The following AKR1E2 variants were observed in gnomAD, a reference collection of about 807,000 sequenced individuals.
AKR1E2 encodes the protein 1,5-anhydro-D-fructose reductase.
In AKR1E2, 43 loss-of-function variants were observed where a neutral mutation model predicts 41.9. That is an observed-to-expected ratio of 1.03 (90% CI 0.80 to 1.32). AKR1E2 has a LOEUF of 1.32. AKR1E2 is among the 40% of genes most tolerant of loss of function. The probability of loss-of-function intolerance (pLI) is 0.00; values close to 1 mark genes in which losing one functional copy is unlikely to be tolerated. For synonymous variants in AKR1E2, 121 were observed against 138.9 expected (o/e 0.87, Z 0.91); for missense variants, 423 against 396.5 (o/e 1.07, Z -0.57).
Position 4,830,694 on chromosome 10 carries a change from C to G in AKR1E2, c.59C>G (p.Thr20Ser), listed in dbSNP as rs1832900233. ...TTGCAGGCTTCTCCAGGGAAAGTGA[C>G]CGAGGCAGTGAAAGAGGCCATTGAC... ...SSWKASPGKV[T>S]EAVKEAIDAG... The change falls in exon 2 of 10, where the codon ACC (threonine) becomes AGC (serine). Residue 20 changes from threonine (T) to serine (S), a missense_variant. Coordinates refer to ENST00000298375, the MANE Select transcript of AKR1E2 (RefSeq NM_001040177.3). 1.2e-6 allele frequency: 2 copies of G among 1,614,018 alleles called. No homozygotes were observed. The highest frequency in any genetic ancestry group is 1.3e-5 in the African/African-American group (1 of 75,014).
the AKR1E2 span, among the ~76,000 whole-genome samples, chr10:4,870,941 T>C: frequency 1.3e-5 from 2 of 152,172 alleles, no homozygotes; most frequent in South Asian, 4.1e-4. Flanking sequence ...TCTTTTGTTA[T>C]AGTTCTACAA....
rs5782783 is a variant in AKR1E2, at chr10:4,827,075, GAAAAAAA to G, written c.39+724_39+730del. ...TTGGGGACAGAGCCAGACCTTGCTG[GAAAAAAA>G]AAAAAAAAAAAGAAAAAAGGAAAAT... On this transcript the variant is annotated intron_variant, in intron 1 of 9. Transcript: ENST00000298375. 3.0e-3 allele frequency among the ~76,000 whole-genome samples: 374 copies of G among 123,136 alleles called. 6 individuals carry two copies. The East Asian group carries it at 0.057, about 19-fold the overall frequency. 80.8% of individuals were successfully genotyped at this position (123,136 alleles called of 152,430 possible). A position where few individuals can be genotyped will look rare whatever the true frequency, so the allele number is the denominator to read the frequency against.
At chr10:4,850,859 A>G (rs957286913), downstream of AKR1E2, among the ~76,000 whole-genome samples, 1 of 152,188 alleles carries the variant, frequency 6.6e-6, no homozygotes, top group Non-Finnish European at 1.5e-5. Flanking sequence ...TTAATCAATG[A>G]TAAAATTCGC....
intron 4 of AKR1E2, among the ~76,000 whole-genome samples, chr10:4,836,161 G>A (rs1199681958): frequency 6.6e-6 from 1 of 151,954 alleles, no homozygotes; most frequent in Non-Finnish European, 1.5e-5. Context: ...TTATTTTCCT[G>A]GCACCCAGCA....
the AKR1E2 span, among the ~76,000 whole-genome samples, chr10:4,864,030 G>T: frequency 1.3e-5 from 2 of 152,130 alleles, no homozygotes; most frequent in African/African-American, 4.8e-5. Flanking sequence ...TCTACCAGAG[G>T]TACAAGGAGG....
intron 3 of AKR1E2, among the ~76,000 whole-genome samples, chr10:4,834,377 T>C (rs531319254): frequency 6.6e-6 from 1 of 152,372 alleles, no homozygotes; most frequent in South Asian, 2.1e-4. Flanking sequence ...TGTGGGCAGC[T>C]GTCCGTTAGT....
downstream of AKR1E2, among the ~76,000 whole-genome samples, chr10:4,848,676 T>C (rs867689000): frequency 6.6e-6 from 1 of 152,200 alleles, no homozygotes; most frequent in Non-Finnish European, 1.5e-5. Context: ...AGGGAAGATA[T>C]GGAGGTGTTG....
intron 1 of AKR1E2, among the ~76,000 whole-genome samples, chr10:4,827,533 G>A (rs1832640953): frequency 6.6e-6 from 1 of 151,438 alleles, no homozygotes; most frequent in Admixed American, 6.6e-5. Flanking sequence ...ACCTTTCTCT[G>A]CTTTGAACTT....
At chr10:4,835,467 G>T (rs1300230340) in intron 3 of AKR1E2, among the ~76,000 whole-genome samples, 1 of 152,162 alleles carries the variant, frequency 6.6e-6, no homozygotes, top group East Asian at 1.9e-4. Context: ...GATGAACAGT[G>T]AACATCAGGC....
At chr10:4,829,656 A>T (rs1832815008) in intron 1 of AKR1E2, among the ~76,000 whole-genome samples, 1 of 151,602 alleles carries the variant, frequency 6.6e-6, no homozygotes, top group South Asian at 2.1e-4. Context: ...CTTGGGTTAA[A>T]TTTTTCTAGG....
chr10:4,858,721 G>C, the AKR1E2 span, among the ~76,000 whole-genome samples: 1 of 152,054 alleles, frequency 6.6e-6, no homozygotes, highest in African/African-American at 2.4e-5. Flanking sequence ...GCAATTCGTC[G>C]GCACAACCAG....
chr10:4,871,186 A>G, the AKR1E2 span, among the ~76,000 whole-genome samples: 33,177 of 151,934 alleles, frequency 0.22, 3,840 homozygotes, highest in Middle Eastern at 0.33. Flanking sequence ...CTAATTTTTT[A>G]TTGAAACTTT....
intron 1 of AKR1E2, among the ~76,000 whole-genome samples, chr10:4,827,219 G>A (rs1256506228): frequency 6.6e-6 from 1 of 152,160 alleles, no homozygotes; most frequent in Non-Finnish European, 1.5e-5. Flanking sequence ...CATTTATGGG[G>A]TGCAGCGTAA....
At chr10:4,860,646 A>C in the AKR1E2 span, among the ~76,000 whole-genome samples, 1 of 152,246 alleles carries the variant, frequency 6.6e-6, no homozygotes, top group Non-Finnish European at 1.5e-5. Context: ...ACATTATTAA[A>C]TACTCTTAGA....
At chr10:4,843,423 T>A (rs34217839) in intron 8 of AKR1E2, among the ~76,000 whole-genome samples, 3,587 of 152,276 alleles carry the variant, frequency 0.024, 56 homozygotes, top group East Asian at 0.073. Context: ...ACGACAGGCA[T>A]TGGTGGCAGC....
chr10:4,856,022 A>G, the AKR1E2 span, among the ~76,000 whole-genome samples: 9 of 152,206 alleles, frequency 5.9e-5, no homozygotes, highest in Admixed American at 3.3e-4. Context: ...CCTAGTACAA[A>G]ATTAAAATCC....
At chr10:4,859,511 CT>C in the AKR1E2 span, among the ~76,000 whole-genome samples, 1 of 152,302 alleles carries the variant, frequency 6.6e-6, no homozygotes, top group East Asian at 1.9e-4. Context: ...ACACTATGGT[CT>C]TAAAAAGCAA....
chr10:4,855,731 G>T, the AKR1E2 span, among the ~76,000 whole-genome samples: 2 of 152,204 alleles, frequency 1.3e-5, no homozygotes, highest in African/African-American at 4.8e-5. Flanking sequence ...ATGCCTTTTA[G>T]TTCATGTGAC....
chr10:4,855,098 T>C, the AKR1E2 span, among the ~76,000 whole-genome samples: 1 of 152,258 alleles, frequency 6.6e-6, no homozygotes, highest in South Asian at 2.1e-4. Flanking sequence ...CCACCTGAAC[T>C]TTTCAGTGTA....
Sources: gnomAD v4.1 joint callset for allele counts (sites outside exome capture counted in the v4.1 genomes callset) on GRCh38, gnomAD v4.1.1 for gene constraint, MANE v1.5 for transcripts, NCBI Gene and HGNC (gene_info 2026-07-23, HGNC 2026-07-21) for gene names.